Variants in MDGA2 observed in about 807,000 individuals in gnomAD.
MDGA2 encodes MAM domain-containing glycosylphosphatidylinositol anchor protein 2.
Under a neutral mutation model 117.8 loss-of-function variants are expected in MDGA2, and 40 were observed. The observed-to-expected ratio is 0.34, with a 90% CI of 0.26 to 0.44. The LOEUF (loss-of-function observed/expected upper bound fraction) is 0.44. MDGA2 is among the 20% of genes least tolerant of loss of function. MDGA2 has a pLI of 1.00. For synonymous variants in MDGA2, 452 were observed against 439.0 expected, an observed-to-expected ratio of 1.03 and a Z score of -0.37; for missense variants, 1,123 against 1,250.6, an observed-to-expected ratio of 0.90 and a Z score of 1.54.
chr14:47,616,177 A>G (rs1896945646), intron 1 of MDGA2, among the ~76,000 whole-genome samples: 1 of 152,202 alleles, frequency 6.6e-6, no homozygotes, highest in African/African-American at 2.4e-5. Context: ...ATGAAGGGCC[A>G]TTACTGTCAA....
chr14:47,061,396 T>C lies in MDGA2; in HGVS notation c.1378A>G (p.Thr460Ala), dbSNP rs1186832520. 2 of 1,613,466 alleles carry C rather than the reference T, an allele frequency of 1.2e-6. No individual in the cohort carries two copies. Among genetic ancestry groups the C allele is most frequent in the African/African-American group, 1.3e-5 (1 of 74,882 alleles). ...GTTCCCGGAGAGACATCAGGATCAGTCTGTGTAATGACCATCCGCTCAGAA... is the reference window on the plus strand; with the variant it reads ...GTTCCCGGAGAGACATCAGGATCAGCCTGTGTAATGACCATCCGCTCAGAA... ...RSSERMVITQ[T>A]DPDVSPGTTN... is the part of the protein sequence containing the mutation. The change falls in exon 7 of 17, where the codon ACT becomes GCT. Residue 460 changes from threonine to alanine, a missense_variant. Thr to Ala is a moderately conservative substitution (Grantham distance 58). Transcript: ENST00000399232.
rs1048122684 is a variant in MDGA2 at position 47,131,572 on chromosome 14, G to T, written c.925+142C>A. On this transcript the variant is annotated intron_variant, in intron 5 of 16. Transcript: ENST00000399232. ...CTGTGTCCATGTATGAAGCTTTTCA[G>T]ATATCCCAGGATTTTCTGGGAATAA... 1.5e-5 allele frequency: 8 copies of T among 539,986 alleles called. No homozygotes were observed. In the African/African-American group the frequency reaches 1.5e-4, roughly 10 times the overall value. 33.4% of individuals were successfully genotyped at this position (539,986 alleles called of 1,614,324 possible).
At chr14:47,105,188 C>T (rs563759513) in intron 5 of MDGA2, among the ~76,000 whole-genome samples, 27 of 152,252 alleles carry the variant, frequency 1.8e-4, no homozygotes, top group African/African-American at 6.3e-4. Context: ...CCTTCTCCTT[C>T]ACCCTTAGTG....
chr14:46,861,513 A>C (rs769088285), intron 14 of MDGA2, among the ~76,000 whole-genome samples: 1 of 151,920 alleles, frequency 6.6e-6, no homozygotes, highest in Non-Finnish European at 1.5e-5. Context: ...GGTTTAAAGA[A>C]GCCAGGTGTA....
chr14:47,073,183 G>A (rs954580611), intron 6 of MDGA2, among the ~76,000 whole-genome samples: 34 of 152,266 alleles, frequency 2.2e-4, no homozygotes, highest in South Asian at 8.3e-4. Context: ...ACTATCATGA[G>A]GGAATATCTA....
intron 1 of MDGA2, among the ~76,000 whole-genome samples, chr14:47,339,393 C>T (rs988604282): frequency 6.6e-6 from 1 of 151,928 alleles, no homozygotes; most frequent in Admixed American, 6.6e-5. Context: ...GTTGGTTTGA[C>T]CCCTCCAAAT....
At chr14:47,297,801 A>C (rs1164023581) in intron 2 of MDGA2, among the ~76,000 whole-genome samples, 1 of 152,218 alleles carries the variant, frequency 6.6e-6, no homozygotes, top group East Asian at 1.9e-4. Context: ...AAATGCATGT[A>C]ATTTAAAGCA....
intron 1 of MDGA2, among the ~76,000 whole-genome samples, chr14:47,465,219 C>T (rs1458321590): frequency 2.0e-5 from 3 of 152,066 alleles, no homozygotes; most frequent in Non-Finnish European, 2.9e-5. Context: ...ACCCTAAACT[C>T]ACAAAAACCC....
At chr14:47,430,241 G>T (rs970219722) in intron 1 of MDGA2, among the ~76,000 whole-genome samples, 4 of 151,922 alleles carry the variant, frequency 2.6e-5, no homozygotes, top group African/African-American at 9.7e-5. Context: ...ACTGTTGCAG[G>T]AGATAATGGA....
intron 2 of MDGA2, among the ~76,000 whole-genome samples, chr14:47,275,730 T>C (rs960342011): frequency 3.3e-5 from 5 of 152,166 alleles, no homozygotes; most frequent in African/African-American, 1.2e-4. Flanking sequence ...TTTTTAAACA[T>C]GAAGTGTTTT....
intron 1 of MDGA2, among the ~76,000 whole-genome samples, chr14:47,567,756 A>C (rs1955799): frequency 0.74 from 113,155 of 152,086 alleles, 42,552 homozygotes; most frequent in East Asian, 1. Context: ...CACTAAACTA[A>C]GGCCTTAACT....
chr14:47,596,722 A>G (rs1287681546), intron 1 of MDGA2, among the ~76,000 whole-genome samples: 1 of 152,202 alleles, frequency 6.6e-6, no homozygotes, highest in Non-Finnish European at 1.5e-5. Context: ...AACATGTAAC[A>G]TCTCCCAGGC....
rs777809616 is a variant in MDGA2, at chr14:47,674,764, G to A, written c.33C>T (p.Ser11=). The change falls in exon 1 of 17, where the codon TCC becomes TCT. Residue 11 remains serine (S), a synonymous_variant. Coordinates refer to ENST00000399232, the MANE Select transcript of MDGA2 (RefSeq NM_001113498.3). MSVWSAGLLR[S]ARRRRRGRTD... is the part of the protein sequence containing the mutation. ...TCCTTCCCCGGCGGCGGCGGCGAGC[G>A]GAGCGCAGGAGCCCCGCACTCCACA... 5.6e-5 allele frequency: 39 copies of A among 696,696 alleles called. No individual in the cohort carries two copies. Among genetic ancestry groups the A allele is most frequent in the South Asian group, 5.4e-4 (36 of 66,344 alleles). The allele number at this position is 696,696 out of a possible 1,614,324, so 43.2% of individuals were successfully genotyped here.
In MDGA2 at chr14:46,914,855, G is replaced by T. The variant is rs140992440; in HGVS notation, c.2238+5157C>A. ...GTATTTTATGGATAGAAGAAATCAT[G>T]TACATGTATAGGCTAAAAATAGAAA... is the stretch of plus-strand genomic sequence containing the variant. On this transcript the variant is annotated intron_variant, in intron 10 of 16. Transcript: ENST00000399232. Among the ~76,000 whole-genome samples, 896 of 152,098 alleles carry T rather than the reference G, an allele frequency of 5.9e-3. 14 individuals are homozygous for T. The highest frequency in any genetic ancestry group is 0.019 in the African/African-American group (805 of 41,518).
At chr14:47,027,791 G>T (rs541932368) in intron 8 of MDGA2, among the ~76,000 whole-genome samples, 104 of 151,980 alleles carry the variant, frequency 6.8e-4, no homozygotes, top group African/African-American at 2.4e-3. Context: ...CGCCCAGAAT[G>T]TCAGGAGCAG....
chr14:47,380,642 T>C (rs977877728), intron 1 of MDGA2, among the ~76,000 whole-genome samples: 21 of 151,610 alleles, frequency 1.4e-4, no homozygotes, highest in African/African-American at 5.1e-4. Flanking sequence ...ACACATAGAC[T>C]CTCCCAAGAC....
chr14:46,903,181 C>T (rs1365729593), intron 10 of MDGA2, among the ~76,000 whole-genome samples: 2 of 152,126 alleles, frequency 1.3e-5, no homozygotes, highest in South Asian at 2.1e-4. Flanking sequence ...AATTCCGTTC[C>T]TGTCACCTTT....
intron 1 of MDGA2, among the ~76,000 whole-genome samples, chr14:47,431,795 A>G (rs1177101291): frequency 2.6e-5 from 4 of 151,944 alleles, no homozygotes; most frequent in Non-Finnish European, 5.9e-5. Flanking sequence ...AGATTTGTCT[A>G]CATTACATTT....
chr14:47,085,832 A>C (rs1890876006), intron 6 of MDGA2, among the ~76,000 whole-genome samples: 1 of 152,092 alleles, frequency 6.6e-6, no homozygotes, highest in Admixed American at 6.6e-5. Flanking sequence ...ATAAAAAGTA[A>C]ATCTAAAATT....
Sources: gnomAD v4.1 joint callset for allele counts (sites outside exome capture counted in the v4.1 genomes callset) on GRCh38, gnomAD v4.1.1 for gene constraint, MANE v1.5 for transcripts, NCBI Gene and HGNC (gene_info 2026-07-23, HGNC 2026-07-21) for gene names.